The following KLRG1 variants were observed in gnomAD, a reference collection of about 807,000 sequenced individuals.
KLRG1 encodes the protein killer cell lectin like receptor G1.
KLRG1 carries 16 observed loss-of-function variants against 21.8 expected under a neutral mutation model. The observed-to-expected ratio is 0.73, with a 90% CI of 0.50 to 1.11. The LOEUF is 1.11. KLRG1 is among the 50% of genes most tolerant of loss of function. The pLI is 0.00. For missense variants in KLRG1, 173 were observed against 218.3 expected (o/e 0.79, Z 1.31); for synonymous variants, 69 against 75.9 (o/e 0.91, Z 0.47).
the KLRG1 span, among the ~76,000 whole-genome samples, chr12:9,034,820 G>A: frequency 2.0e-5 from 3 of 152,216 alleles, no homozygotes; most frequent in South Asian, 2.1e-4. Flanking sequence ...ATTGTAAAAC[G>A]GTCTTGGGCA....
the KLRG1 span, among the ~76,000 whole-genome samples, chr12:9,183,072 A>G: frequency 1.3e-5 from 2 of 152,238 alleles, no homozygotes; most frequent in South Asian, 2.1e-4. Flanking sequence ...TAGGACAAGG[A>G]CAATTAGAAT....
chr12:9,080,034 A>T, the KLRG1 span: 1 of 1,132,490 alleles, frequency 8.8e-7, no homozygotes, highest in Non-Finnish European at 1.2e-6. Context: ...ATTTATGGGA[A>T]ATAAAAATAG....
At chr12:9,178,386 G>A in the KLRG1 span, among the ~76,000 whole-genome samples, 13 of 152,258 alleles carry the variant, frequency 8.5e-5, no homozygotes, top group African/African-American at 2.9e-4. Context: ...CAGTATCTCA[G>A]TGCTTGTGTT....
At chr12:8,951,883 GTTGA>G (rs1216926269) in intron 1 of KLRG1, among the ~76,000 whole-genome samples, 3 of 152,170 alleles carry the variant, frequency 2.0e-5, no homozygotes, top group African/African-American at 7.2e-5. Context: ...AATTGAGTAG[GTTGA>G]TTAACTTGTC....
the KLRG1 span, among the ~76,000 whole-genome samples, chr12:9,056,784 T>C: frequency 1.3e-5 from 2 of 152,132 alleles, no homozygotes; most frequent in East Asian, 3.9e-4. Context: ...AACTTCTAGC[T>C]TTAAGAGATC....
the KLRG1 span, among the ~76,000 whole-genome samples, chr12:9,043,853 A>G: frequency 1.3e-5 from 2 of 152,226 alleles, no homozygotes; most frequent in Admixed American, 6.5e-5. Context: ...CTGAAATGCC[A>G]TGTAACAAGC....
At chr12:9,208,207 A>G in the KLRG1 span, 3 of 1,414,654 alleles carry the variant, frequency 2.1e-6, no homozygotes, top group Non-Finnish European at 3.0e-6. Context: ...GCGAAGACAC[A>G]AGGGAGAGAC....
At chr12:9,017,358 A>G in the KLRG1 span, among the ~76,000 whole-genome samples, 1 of 152,008 alleles carries the variant, frequency 6.6e-6, no homozygotes, top group Non-Finnish European at 1.5e-5. Context: ...TGATGCAAAA[A>G]TTTCCTACAA....
the KLRG1 span, chr12:9,159,948 C>T: frequency 1.2e-6 from 2 of 1,612,112 alleles, no homozygotes; most frequent in Admixed American, 3.3e-5. Flanking sequence ...CAAGTGTTGC[C>T]CTGGTTCCTG....
At chr12:9,084,661 C>T in the KLRG1 span, among the ~76,000 whole-genome samples, 1 of 152,020 alleles carries the variant, frequency 6.6e-6, no homozygotes, top group Admixed American at 6.6e-5. Flanking sequence ...AATGGTAGTA[C>T]CAAGTCATTT....
chr12:9,154,704 G>A, the KLRG1 span: 8 of 1,614,012 alleles, frequency 5.0e-6, no homozygotes, highest in East Asian at 1.8e-4. Context: ...CCCTGAGGTG[G>A]GGGCTGGCTG....
chr12:9,048,047 A>G, the KLRG1 span, among the ~76,000 whole-genome samples: 1 of 152,172 alleles, frequency 6.6e-6, no homozygotes, highest in African/African-American at 2.4e-5. Context: ...AGGATATTTC[A>G]TCCAACAACA....
chr12:9,206,215 T>G, the KLRG1 span, among the ~76,000 whole-genome samples: 1 of 151,838 alleles, frequency 6.6e-6, no homozygotes, highest in Non-Finnish European at 1.5e-5. Context: ...TCAAAAAATT[T>G]TTCCTTTAGT....
the KLRG1 span, chr12:9,113,362 C>T: frequency 4.6e-5 from 75 of 1,612,970 alleles, no homozygotes; most frequent in Admixed American, 3.3e-5. Context: ...ACACTCACAG[C>T]GAAGGCGACA....
At chr12:9,201,343 G>A in the KLRG1 span, 3 of 1,557,638 alleles carry the variant, frequency 1.9e-6, no homozygotes, top group Non-Finnish European at 2.6e-6. Context: ...GTATATCAGT[G>A]GAATCTATAT....
chr12:9,129,517 T>G, the KLRG1 span, among the ~76,000 whole-genome samples: 2 of 152,088 alleles, frequency 1.3e-5, no homozygotes, highest in Non-Finnish European at 2.9e-5. Context: ...TTTTCAGTAT[T>G]ATTGTATATA....
chr12:9,097,632 C>CTTTTTTTTTTT, the KLRG1 span, among the ~76,000 whole-genome samples: 1 of 127,116 alleles, frequency 7.9e-6, no homozygotes, highest in African/African-American at 2.9e-5. Flanking sequence ...TGATGTAATT[C>CTTTTTTTTTTT]TTTTTTTTTT....
chr12:9,107,608 A>G, the KLRG1 span: 1 of 1,614,058 alleles, frequency 6.2e-7, no homozygotes, highest in South Asian at 1.1e-5. Flanking sequence ...AAATGCTCAC[A>G]GTCACATGTC....
intron 1 of KLRG1, among the ~76,000 whole-genome samples, chr12:8,964,944 T>C (rs1033450746): frequency 3.3e-5 from 5 of 152,132 alleles, no homozygotes; most frequent in Non-Finnish European, 5.9e-5. Context: ...GCACATGAGA[T>C]GGGTTTCCGG....
Sources: allele counts gnomAD v4.1 joint callset (sites outside exome capture counted in the v4.1 genomes callset), GRCh38; gene constraint gnomAD v4.1.1; transcripts MANE v1.5; gene names NCBI Gene and HGNC (gene_info 2026-07-23, HGNC 2026-07-21).